NRG1: variants seen among roughly 807,000 people sequenced by gnomAD.
NRG1 encodes neuregulin 1.
A neutral mutation model predicts 63.8 loss-of-function variants in NRG1; 18 were observed. The observed-to-expected ratio is 0.28, with a 90% CI of 0.19 to 0.42. The LOEUF (loss-of-function observed/expected upper bound fraction) is 0.42. Among genes scored for constraint, NRG1 ranks in the 10% least tolerant of loss-of-function variants. The probability of loss-of-function intolerance (pLI) is 1.00; values close to 1 mark genes in which losing one functional copy is unlikely to be tolerated. For missense variants in NRG1, 762 were observed against 814.7 expected, an observed-to-expected ratio of 0.94 and a Z score of 0.79; for synonymous variants, 302 against 301.3, an observed-to-expected ratio of 1.00 and a Z score of -0.02.
rs1178545836 is a variant in NRG1 at position 32,412,423 on chromosome 8, C to CATATATAT, written c.38-183383_38-183376dup. Among the ~76,000 whole-genome samples, 56 of 93,030 alleles carry CATATATAT rather than the reference C, an allele frequency of 6.0e-4. 1 individual carries two copies. The highest frequency in any genetic ancestry group is 2.1e-3 in the African/African-American group (52 of 24,268). 61.0% of individuals were successfully genotyped at this position (93,030 alleles called of 152,430 possible). A position where few individuals can be genotyped will look rare whatever the true frequency, so the allele number is the denominator to read the frequency against. Reference sequence around the variant, plus strand: ...TCCTCTCTCTCTCTCTCTCTCTCTACATATATATATATATATATATATATA... The same window carrying CATATATAT: ...TCCTCTCTCTCTCTCTCTCTCTCTACATATATATATATATATATATATATATATATATA... On this transcript the variant is annotated intron_variant, in intron 1 of 10. Transcript: ENST00000519301.
intron 1 of NRG1, among the ~76,000 whole-genome samples, chr8:31,880,627 A>T (rs1015360839): frequency 2.6e-5 from 4 of 152,212 alleles, no homozygotes; most frequent in African/African-American, 9.6e-5. Context: ...CAAATTACAT[A>T]TGAAGACTTT....
intron 1 of NRG1, among the ~76,000 whole-genome samples, chr8:32,419,804 G>A (rs778445927): frequency 1.3e-5 from 2 of 152,108 alleles, no homozygotes; most frequent in African/African-American, 2.4e-5. Flanking sequence ...AGAATACCTC[G>A]TCATAACACA....
chr8:32,306,936 T>G (rs2129475619), intron 1 of NRG1, among the ~76,000 whole-genome samples: 1 of 152,350 alleles, frequency 6.6e-6, no homozygotes, highest in South Asian at 2.1e-4. Flanking sequence ...ATTGAAATTT[T>G]AATCCCTAGC....
intron 2 of NRG1, among the ~76,000 whole-genome samples, chr8:32,602,044 G>A (rs980257002): frequency 2.6e-5 from 4 of 152,088 alleles, no homozygotes; most frequent in African/African-American, 7.2e-5. Flanking sequence ...TGCTTATCTC[G>A]ATCAAATTGA....
At chr8:31,687,076 C>T (rs1473876054) in intron 1 of NRG1, among the ~76,000 whole-genome samples, 1 of 151,936 alleles carries the variant, frequency 6.6e-6, no homozygotes, top group African/African-American at 2.4e-5. Context: ...GCCCAGGATG[C>T]TCCCTTTTAA....
At chr8:32,162,486 A>G (rs1181937825) in intron 1 of NRG1, among the ~76,000 whole-genome samples, 1 of 152,202 alleles carries the variant, frequency 6.6e-6, no homozygotes, top group Non-Finnish European at 1.5e-5. Flanking sequence ...TTTTCAAACT[A>G]AAAACAAAGA....
chr8:31,832,262 T>C (rs1825237238), intron 1 of NRG1, among the ~76,000 whole-genome samples: 1 of 151,494 alleles, frequency 6.6e-6, no homozygotes, highest in Non-Finnish European at 1.5e-5. Context: ...TTTTTTTTTT[T>C]TTTTTCTTGA....
chr8:31,782,364 C>T (rs898301493), intron 1 of NRG1, among the ~76,000 whole-genome samples: 1 of 152,118 alleles, frequency 6.6e-6, no homozygotes, highest in Admixed American at 6.6e-5. Context: ...TTAAAAGCAG[C>T]ACCCCACCAG....
intron 1 of NRG1, among the ~76,000 whole-genome samples, chr8:32,579,781 G>A (rs1415779494): frequency 6.6e-6 from 1 of 152,158 alleles, no homozygotes; most frequent in Non-Finnish European, 1.5e-5. Context: ...AGCAACATGA[G>A]TTCATGAATT....
At chr8:32,036,120 G>C (rs904240441) in intron 1 of NRG1, among the ~76,000 whole-genome samples, 6 of 152,172 alleles carry the variant, frequency 3.9e-5, no homozygotes, top group Admixed American at 6.5e-5. Context: ...TTGCAAGGCA[G>C]GCCTGGTGGT....
intron 1 of NRG1, chr8:32,098,734 G>A (rs1830189144): frequency 6.6e-6 from 1 of 152,136 alleles, no homozygotes; most frequent in South Asian, 2.1e-4. Context: ...GCTAACTGAG[G>A]AAGAAGGGCA....
intron 1 of NRG1, among the ~76,000 whole-genome samples, chr8:31,840,609 C>T (rs1826108901): frequency 6.6e-6 from 1 of 152,108 alleles, no homozygotes; most frequent in Non-Finnish European, 1.5e-5. Flanking sequence ...GCCCCCATGT[C>T]ATAGAAGATA....
chr8:32,245,723 A>G (rs182366442), intron 1 of NRG1, among the ~76,000 whole-genome samples: 1 of 152,250 alleles, frequency 6.6e-6, no homozygotes, highest in African/African-American at 2.4e-5. Context: ...GATTATTTAC[A>G]TTGTTGTCTT....
chr8:32,087,263 G>A (rs1828365591), intron 1 of NRG1, among the ~76,000 whole-genome samples: 1 of 151,966 alleles, frequency 6.6e-6, no homozygotes, highest in Non-Finnish European at 1.5e-5. Flanking sequence ...TGATAAGTAA[G>A]TTTTTGCTCT....
intron 1 of NRG1, among the ~76,000 whole-genome samples, chr8:32,076,166 C>A (rs1172756749): frequency 2.0e-5 from 3 of 152,048 alleles, no homozygotes; most frequent in African/African-American, 4.8e-5. Context: ...TTGATACCAC[C>A]CAGAGTGGTG....
intron 1 of NRG1, among the ~76,000 whole-genome samples, chr8:32,529,608 T>C (rs1054865377): frequency 1.3e-5 from 2 of 152,146 alleles, no homozygotes; most frequent in East Asian, 3.8e-4. Flanking sequence ...TGTTTTAAAG[T>C]TATTATTAAT....
At chr8:32,125,371 C>T (rs549925763) in intron 1 of NRG1, among the ~76,000 whole-genome samples, 2 of 152,066 alleles carry the variant, frequency 1.3e-5, no homozygotes, top group Non-Finnish European at 2.9e-5. Flanking sequence ...GCTTTTATCT[C>T]TGTAGACTTT....
At chr8:31,781,934 T>C (rs945517562) in intron 1 of NRG1, among the ~76,000 whole-genome samples, 16 of 152,122 alleles carry the variant, frequency 1.1e-4, no homozygotes, top group African/African-American at 3.9e-4. Flanking sequence ...AGACTTTCTG[T>C]GGCTAAGAGG....
chr8:32,239,466 G>A lies in NRG1; in HGVS notation c.38-356362G>A, dbSNP rs1231457244. ...TGATGAGGACCTAAAGCTAGGTGAA[G>A]AACTTCTAGACTTGATACTAAAAGT... On this transcript the variant is annotated intron_variant, in intron 1 of 10. Coordinates refer to the NRG1 transcript ENST00000519301. Among the ~76,000 whole-genome samples the A allele has an allele frequency of 2.0e-5, 3 of 151,702 alleles. No individual in the cohort carries two copies. The East Asian group carries it at 5.8e-4, about 30-fold the overall frequency.
Sources: allele counts gnomAD v4.1 joint callset (sites outside exome capture counted in the v4.1 genomes callset), GRCh38; gene constraint gnomAD v4.1.1; transcripts MANE v1.5; gene names NCBI Gene and HGNC (gene_info 2026-07-23, HGNC 2026-07-21).